Variants in CA10 observed in about 807,000 individuals in gnomAD.
CA10 encodes carbonic anhydrase-related protein 10.
Under a neutral mutation model 44.2 loss-of-function variants are expected in CA10, and 14 were observed. That is an observed-to-expected ratio of 0.32 (90% CI 0.21 to 0.50). CA10 has a LOEUF of 0.50. Ranked by LOEUF, CA10 falls within the 20% of genes least tolerant of loss-of-function variation. The pLI, the probability that CA10 is intolerant of heterozygous loss-of-function variation, is 0.99. For synonymous variants in CA10, 159 were observed against 141.6 expected, an observed-to-expected ratio of 1.12 and a Z score of -0.87; for missense variants, 350 against 409.7, an observed-to-expected ratio of 0.85 and a Z score of 1.26.
At chr17:51,777,684 C>T (rs1193895477) in intron 3 of CA10, among the ~76,000 whole-genome samples, 1 of 152,234 alleles carries the variant, frequency 6.6e-6, no homozygotes, top group Non-Finnish European at 1.5e-5. Flanking sequence ...GGGTTCACGC[C>T]TGTAATCCCA....
At chr17:51,827,238 A>G (rs1598066003) in intron 3 of CA10, among the ~76,000 whole-genome samples, 1 of 152,146 alleles carries the variant, frequency 6.6e-6, no homozygotes, top group Non-Finnish European at 1.5e-5. Context: ...AACAGACTAT[A>G]TCACTACCAC....
At chr17:51,742,177 A>G (rs1466852022) in intron 4 of CA10, among the ~76,000 whole-genome samples, 2 of 152,068 alleles carry the variant, frequency 1.3e-5, no homozygotes, top group Non-Finnish European at 2.9e-5. Context: ...ACTGTGGTGG[A>G]TGGGGGAAGG....
At chr17:51,838,971 C>A (rs923009219) in intron 3 of CA10, among the ~76,000 whole-genome samples, 1 of 152,106 alleles carries the variant, frequency 6.6e-6, no homozygotes, top group Non-Finnish European at 1.5e-5. Context: ...TGCTTACCAC[C>A]AAAGTCAGAG....
intron 4 of CA10, among the ~76,000 whole-genome samples, chr17:51,706,157 G>A (rs892057923): frequency 1.3e-5 from 2 of 152,202 alleles, no homozygotes; most frequent in South Asian, 4.1e-4. Flanking sequence ...CCATTGGGCT[G>A]TTGGAAGAAG....
At chr17:51,737,639 A>C (rs112174075) in intron 4 of CA10, among the ~76,000 whole-genome samples, 1 of 152,170 alleles carries the variant, frequency 6.6e-6, no homozygotes, top group Non-Finnish European at 1.5e-5. Flanking sequence ...CACACAGCCA[A>C]TAAGTGGCAG....
intron 2 of CA10, among the ~76,000 whole-genome samples, chr17:52,057,826 G>A (rs761434999): frequency 1.9e-4 from 29 of 152,056 alleles, no homozygotes; most frequent in East Asian, 1.4e-3. Flanking sequence ...GACAATGCAC[G>A]CTGTTACTGC....
intron 6 of CA10, among the ~76,000 whole-genome samples, chr17:51,637,230 C>G (rs1025050017): frequency 1.3e-5 from 2 of 152,136 alleles, no homozygotes; most frequent in African/African-American, 2.4e-5. Flanking sequence ...GGTTTTGTTG[C>G]TGTCTCCTGA....
At chr17:51,843,300 C>T (rs1357059575) in intron 3 of CA10, among the ~76,000 whole-genome samples, 1 of 152,144 alleles carries the variant, frequency 6.6e-6, no homozygotes, top group African/African-American at 2.4e-5. Flanking sequence ...TAATGTTAGG[C>T]TCAGAAAACT....
intron 1 of CA10, among the ~76,000 whole-genome samples, chr17:52,125,880 TGTG>T (rs1989107614): frequency 6.6e-6 from 1 of 152,150 alleles, no homozygotes; most frequent in African/African-American, 2.4e-5. Flanking sequence ...GGGTGACTGA[TGTG>T]GTGGAAAGAA....
intron 3 of CA10, among the ~76,000 whole-genome samples, chr17:51,822,737 A>T (rs774461804): frequency 5.9e-5 from 9 of 152,214 alleles, no homozygotes; most frequent in Non-Finnish European, 1.2e-4. Context: ...GGACTTGGTC[A>T]TGGGTCCCTC....
At chr17:51,874,057 C>G (rs1483483172) in intron 3 of CA10, among the ~76,000 whole-genome samples, 1 of 152,092 alleles carries the variant, frequency 6.6e-6, no homozygotes, top group African/African-American at 2.4e-5. Flanking sequence ...AGAAAAAGAC[C>G]CAGTTAACTA....
rs551768439 is a variant in CA10 at position 51,837,267 on chromosome 17, T to C, written c.280-89449A>G. ...GCACAGCTTTCCTTTGCAAGTCCGG[T>C]GTCCAGAAAATATGAACCTCCTCTT... On this transcript the variant is annotated intron_variant, in intron 3 of 8. Coordinates refer to ENST00000451037, the MANE Select transcript of CA10 (RefSeq NM_020178.5). Among the ~76,000 whole-genome samples the C allele has an allele frequency of 8.5e-5, 13 of 152,310 alleles. No individual in the cohort carries two copies. The East Asian group carries it at 2.3e-3, about 27-fold the overall frequency.
At chr17:51,958,802 C>T (rs1983762860) in intron 2 of CA10, among the ~76,000 whole-genome samples, 1 of 151,972 alleles carries the variant, frequency 6.6e-6, no homozygotes, top group Non-Finnish European at 1.5e-5. Context: ...GAGAAGAAAA[C>T]ATGAGAATAC....
chr17:52,072,266 C>T, intron 2 of CA10, 53 bp downstream of exon 2: 1 of 1,241,110 alleles, frequency 8.1e-7, no homozygotes, highest in Non-Finnish European at 1.2e-6. Flanking sequence ...ATAATGCTAG[C>T]CTTCATTCTA....
chr17:52,067,478 G>C (rs1987568705), intron 2 of CA10, among the ~76,000 whole-genome samples: 1 of 152,218 alleles, frequency 6.6e-6, no homozygotes, highest in Admixed American at 6.5e-5. Context: ...GAGAAACTCT[G>C]CTAGGGCAGT....
intron 2 of CA10, among the ~76,000 whole-genome samples, chr17:51,961,188 A>C (rs12941615): frequency 1.2e-4 from 17 of 145,090 alleles, no homozygotes; most frequent in African/African-American, 2.8e-4. Flanking sequence ...TGTACACACA[A>C]ACACACACAC....
At position 51,868,809 on chromosome 17, in the gene CA10, G is replaced by A. The variant is rs1234743381; in HGVS notation, c.279+62181C>T. Among the ~76,000 whole-genome samples, 9 of 151,962 alleles carry A rather than the reference G, an allele frequency of 5.9e-5. No homozygotes were observed. In the South Asian group the frequency reaches 1.9e-3, roughly 32 times the overall value. On this transcript the variant is annotated intron_variant, in intron 3 of 8. Transcript: ENST00000451037. Reference sequence around the variant, plus strand: ...AGCTCTCCTCGATTCTTGCCCAAGAGTGTTGATATAGAACACTCATGATCA... The same window carrying A: ...AGCTCTCCTCGATTCTTGCCCAAGAATGTTGATATAGAACACTCATGATCA...
At chr17:51,902,171 G>A (rs1981345584) in intron 3 of CA10, among the ~76,000 whole-genome samples, 1 of 152,134 alleles carries the variant, frequency 6.6e-6, no homozygotes, top group Non-Finnish European at 1.5e-5. Flanking sequence ...ACTAGGCAAT[G>A]TTTTTTCTCA....
At chr17:51,633,067 C>A (rs983486848) in intron 8 of CA10, among the ~76,000 whole-genome samples, 2 of 151,954 alleles carry the variant, frequency 1.3e-5, no homozygotes, top group Non-Finnish European at 2.9e-5. Flanking sequence ...TAACAGATAA[C>A]CTTGGGAACA....
Sources: gnomAD v4.1 joint callset for allele counts (sites outside exome capture counted in the v4.1 genomes callset) on GRCh38, gnomAD v4.1.1 for gene constraint, MANE v1.5 for transcripts, NCBI Gene and HGNC (gene_info 2026-07-23, HGNC 2026-07-21) for gene names.